SPAG16: variants seen among roughly 807,000 people sequenced by gnomAD.
SPAG16 encodes sperm-associated antigen 16 protein.
Under a neutral mutation model 80.4 loss-of-function variants are expected in SPAG16, and 86 were observed. That is an observed-to-expected ratio of 1.07 (90% CI 0.90 to 1.28). The LOEUF (loss-of-function observed/expected upper bound fraction) is 1.28. Among genes scored for constraint, SPAG16 ranks in the 50% most tolerant of loss-of-function variants. The pLI, the probability that SPAG16 is intolerant of heterozygous loss-of-function variation, is 0.00. For synonymous variants in SPAG16, 294 were observed against 265.9 expected (o/e 1.11, Z -1.03); for missense variants, 870 against 765.3 (o/e 1.14, Z -1.61).
At chr2:213,771,222 T>A (rs1260710754) in intron 10 of SPAG16, among the ~76,000 whole-genome samples, 1 of 151,986 alleles carries the variant, frequency 6.6e-6, no homozygotes, top group African/African-American at 2.4e-5. Flanking sequence ...TGATGCTGAG[T>A]TTTTTTTCGT....
chr2:213,433,148 C>T (rs567816462), intron 9 of SPAG16, among the ~76,000 whole-genome samples: 156 of 152,272 alleles, frequency 1.0e-3, no homozygotes, highest in African/African-American at 3.6e-3. Context: ...TGACCAACAT[C>T]GTACTGATCT....
chr2:214,187,683 A>AAACCTCAGGT (rs879307095), intron 15 of SPAG16, among the ~76,000 whole-genome samples: 45,177 of 151,554 alleles, frequency 0.3, 8,429 homozygotes, highest in Non-Finnish European at 0.41. Context: ...AATGTCTGCC[A>AAACCTCAGGT]TAACAAACCT....
rs572468197 is a variant in SPAG16, at chr2:214,075,720, C to A, written c.1528-32476C>A. 2.6e-5 allele frequency among the ~76,000 whole-genome samples: 4 copies of A among 152,280 alleles called. No homozygotes were observed. The South Asian group carries it at 8.3e-4, about 32-fold the overall frequency. On this transcript the variant is annotated intron_variant, in intron 13 of 15. Transcript: ENST00000331683. The stretch of plus-strand genomic sequence containing the variant: ...TCCTGAAGTCCAAGGCAGGGAAATA[C>A]ACACATGATGATAATTAAGTGAAAC...
chr2:213,996,649 A>C (rs1369132627), intron 12 of SPAG16, among the ~76,000 whole-genome samples: 2 of 149,766 alleles, frequency 1.3e-5, no homozygotes, highest in Non-Finnish European at 3.0e-5. Flanking sequence ...GCTCACTGCA[A>C]CCTCTGCCTC....
At chr2:213,301,822 A>T (rs1469288199) in intron 3 of SPAG16, among the ~76,000 whole-genome samples, 2 of 152,070 alleles carry the variant, frequency 1.3e-5, no homozygotes, top group Admixed American at 1.3e-4. Flanking sequence ...TAAGACCCTG[A>T]GCCTTAATGG....
intron 9 of SPAG16, among the ~76,000 whole-genome samples, chr2:213,402,328 C>CT (rs1295447528): frequency 6.6e-6 from 1 of 152,008 alleles, no homozygotes; most frequent in Admixed American, 6.5e-5. Context: ...GTTATACTAT[C>CT]TAATTCTATC....
intron 13 of SPAG16, among the ~76,000 whole-genome samples, chr2:214,058,028 CT>C (rs2050038152): frequency 6.6e-6 from 1 of 151,964 alleles, no homozygotes; most frequent in Admixed American, 6.6e-5. Context: ...GTTTGATCTT[CT>C]ATCCAGACCA....
intron 15 of SPAG16, among the ~76,000 whole-genome samples, chr2:214,316,749 A>G (rs576790963): frequency 2.1e-4 from 32 of 152,308 alleles, no homozygotes; most frequent in African/African-American, 7.7e-4. Flanking sequence ...TCAAGATCCT[A>G]TCAATGTTAC....
At chr2:213,548,350 C>T (rs1172784767) in intron 10 of SPAG16, among the ~76,000 whole-genome samples, 2 of 152,018 alleles carry the variant, frequency 1.3e-5, no homozygotes, top group Non-Finnish European at 2.9e-5. Flanking sequence ...GTAGCTGGGA[C>T]TACAGGCGCC....
chr2:213,399,102 C>T (rs1575482683), intron 9 of SPAG16, among the ~76,000 whole-genome samples: 1 of 151,942 alleles, frequency 6.6e-6, no homozygotes. Context: ...TTTTTCAATT[C>T]TAAAAATTTT....
At chr2:213,595,483 T>G (rs2060855526) in intron 10 of SPAG16, among the ~76,000 whole-genome samples, 2 of 152,136 alleles carry the variant, frequency 1.3e-5, no homozygotes, top group African/African-American at 4.8e-5. Flanking sequence ...AAACGACATA[T>G]TCTGCATTTT....
intron 15 of SPAG16, among the ~76,000 whole-genome samples, chr2:214,406,175 AAAGT>A (rs1214213065): frequency 2.0e-5 from 3 of 152,202 alleles, no homozygotes; most frequent in Admixed American, 6.5e-5. Flanking sequence ...CATGAGAAGG[AAAGT>A]AAGTATTGAA....
intron 12 of SPAG16, among the ~76,000 whole-genome samples, chr2:214,003,239 G>A (rs1284592871): frequency 1.3e-5 from 2 of 152,142 alleles, no homozygotes; most frequent in East Asian, 1.9e-4. Flanking sequence ...CTGACACTGT[G>A]GGAGATCGGT....
intron 14 of SPAG16, among the ~76,000 whole-genome samples, chr2:214,112,110 G>A (rs1288789945): frequency 6.6e-6 from 1 of 152,184 alleles, no homozygotes; most frequent in Non-Finnish European, 1.5e-5. Context: ...TTTCCATGTA[G>A]TTGTGTGGTT....
intron 15 of SPAG16, among the ~76,000 whole-genome samples, chr2:214,291,020 A>G (rs1173732998): frequency 1.3e-5 from 2 of 152,086 alleles, no homozygotes; most frequent in Non-Finnish European, 2.9e-5. Flanking sequence ...GTAATACTTG[A>G]TTTATGAATT....
chr2:213,707,903 A>G (rs1450116988), intron 10 of SPAG16, among the ~76,000 whole-genome samples: 2 of 152,128 alleles, frequency 1.3e-5, no homozygotes, highest in Non-Finnish European at 2.9e-5. Flanking sequence ...GAATCTGGAG[A>G]TATAGATCCT....
At chr2:213,477,782 G>A (rs1373955190) in intron 9 of SPAG16, among the ~76,000 whole-genome samples, 1 of 152,178 alleles carries the variant, frequency 6.6e-6, no homozygotes, top group African/African-American at 2.4e-5. Flanking sequence ...ATGCTGAAAT[G>A]AATTAAGACT....
At chr2:214,084,308 A>G (rs2051573963) in intron 13 of SPAG16, among the ~76,000 whole-genome samples, 1 of 152,054 alleles carries the variant, frequency 6.6e-6, no homozygotes, top group Non-Finnish European at 1.5e-5. Context: ...TAACAAACAA[A>G]GCCAGGAACT....
At chr2:213,528,825 G>A (rs2075973292) in intron 10 of SPAG16, among the ~76,000 whole-genome samples, 2 of 152,170 alleles carry the variant, frequency 1.3e-5, no homozygotes, top group South Asian at 4.1e-4. Context: ...AAAGGTTTAC[G>A]AATTTGTGTT....
Sources: gnomAD v4.1 joint callset for allele counts (sites outside exome capture counted in the v4.1 genomes callset) on GRCh38, gnomAD v4.1.1 for gene constraint, MANE v1.5 for transcripts, NCBI Gene and HGNC (gene_info 2026-07-23, HGNC 2026-07-21) for gene names.